The following SLC25A48 variants were observed in gnomAD, a reference collection of about 807,000 sequenced individuals.
The protein encoded by SLC25A48 is solute carrier family 25 member 48, also known as CTC-321K16.1.
SLC25A48 carries 29 observed loss-of-function variants against 32.2 expected under a neutral mutation model. The ratio of observed to expected loss-of-function variants is 0.90; its 90% CI spans 0.67 to 1.23. SLC25A48 has a LOEUF of 1.23. Among genes scored for constraint, SLC25A48 ranks in the 50% most tolerant of loss-of-function variants. SLC25A48 has a pLI of 0.00. For missense variants in SLC25A48, 399 were observed against 422.7 expected (o/e 0.94, Z 0.49); for synonymous variants, 164 against 172.3 (o/e 0.95, Z 0.38).
intron 3 of SLC25A48, among the ~76,000 whole-genome samples, chr5:135,750,467 C>G (rs1431640371): frequency 6.6e-6 from 1 of 152,144 alleles, no homozygotes; most frequent in South Asian, 2.1e-4. Flanking sequence ...GCCTGAGTAC[C>G]TTTAAATGGC....
intron 3 of SLC25A48, chr5:135,653,694 G>T (rs1753171751): frequency 2.4e-6 from 1 of 413,492 alleles, no homozygotes; most frequent in Non-Finnish European, 4.9e-6. Flanking sequence ...TTTCCCATAA[G>T]ACAGACCAAT....
intron 1 of SLC25A48, among the ~76,000 whole-genome samples, chr5:135,590,436 G>A (rs1751493949): frequency 6.6e-6 from 1 of 152,246 alleles, no homozygotes; most frequent in African/African-American, 2.4e-5. Context: ...TGGTCCCTGA[G>A]TGCCTTTGCT....
At chr5:135,758,037 T>G (rs965305317) in intron 3 of SLC25A48, among the ~76,000 whole-genome samples, 1 of 150,652 alleles carries the variant, frequency 6.6e-6, no homozygotes, top group Non-Finnish European at 1.5e-5. Flanking sequence ...ATGATATTTA[T>G]AGAATATCAT....
intron 3 of SLC25A48, among the ~76,000 whole-genome samples, chr5:135,785,648 T>C (rs895620006): frequency 6.9e-6 from 1 of 144,908 alleles, no homozygotes; most frequent in East Asian, 2.2e-4. Flanking sequence ...GAGAGGGTGA[T>C]AATGCTCCCC....
chr5:135,838,910 G>T (rs2126691694), intron 1 of SLC25A48, among the ~76,000 whole-genome samples: 2 of 152,326 alleles, frequency 1.3e-5, no homozygotes, highest in South Asian at 4.1e-4. Flanking sequence ...TGTAGGGTGG[G>T]AGTCCCACAC....
intron 3 of SLC25A48, among the ~76,000 whole-genome samples, chr5:135,789,983 A>G (rs1364232907): frequency 6.6e-6 from 1 of 152,010 alleles, no homozygotes; most frequent in African/African-American, 2.4e-5. Context: ...GTATAATACT[A>G]TGAACAATAC....
intron 3 of SLC25A48, among the ~76,000 whole-genome samples, chr5:135,730,425 G>A (rs574104090): frequency 1.3e-5 from 2 of 152,300 alleles, no homozygotes; most frequent in East Asian, 3.9e-4. Flanking sequence ...ACCCACTTAG[G>A]ATGTGACTTG....
At chr5:135,636,235 C>T (rs1055540807) in intron 3 of SLC25A48, among the ~76,000 whole-genome samples, 3 of 152,060 alleles carry the variant, frequency 2.0e-5, no homozygotes, top group Admixed American at 6.6e-5. Flanking sequence ...TTGTGCAGGC[C>T]GTGTGCTGGA....
chr5:135,639,295 C>G (rs1254708149), intron 3 of SLC25A48, among the ~76,000 whole-genome samples: 9 of 152,198 alleles, frequency 5.9e-5, no homozygotes, highest in Admixed American at 5.9e-4. Context: ...ACAATGAAAA[C>G]TTTCAGTCTC....
intron 3 of SLC25A48, among the ~76,000 whole-genome samples, chr5:135,754,152 T>A (rs1438511268): frequency 6.6e-6 from 1 of 151,876 alleles, no homozygotes; most frequent in Non-Finnish European, 1.5e-5. Context: ...GGGTGTACCC[T>A]TACTGTGACA....
At chr5:135,669,872 G>T (rs1753614486) in intron 3 of SLC25A48, among the ~76,000 whole-genome samples, 1 of 152,218 alleles carries the variant, frequency 6.6e-6, no homozygotes, top group South Asian at 2.1e-4. Flanking sequence ...ATGCTGAGGA[G>T]GCAGCATGCT....
At chr5:135,844,672 C>G (rs2126712103) in intron 2 of SLC25A48, among the ~76,000 whole-genome samples, 1 of 152,354 alleles carries the variant, frequency 6.6e-6, no homozygotes, top group East Asian at 1.9e-4. Flanking sequence ...TTTTTATCAA[C>G]ATCATTCGAT....
At position 135,679,246 on chromosome 5, in the gene SLC25A48, G is replaced by A. The variant is rs1580778816; in HGVS notation, c.-521+44290G>A. ...GGTGCCTACTATGGTGGTAGTGGCA[G>A]ATTGGGTAGGCCTGACTGCAGGCCC... On this transcript the variant is annotated intron_variant, in intron 3 of 10. Transcript: ENST00000646290. 2.0e-5 allele frequency among the ~76,000 whole-genome samples: 3 copies of A among 152,302 alleles called. No homozygotes were observed. In the East Asian group the frequency reaches 5.8e-4, roughly 29 times the overall value.
intron 4 of SLC25A48, among the ~76,000 whole-genome samples, chr5:135,867,741 G>A (rs570941214): frequency 1.4e-4 from 21 of 152,262 alleles, no homozygotes; most frequent in African/African-American, 4.8e-4. Context: ...CAATGGTGGT[G>A]GTGTGGTGCA....
chr5:135,719,107 G>A (rs567240254), intron 3 of SLC25A48, among the ~76,000 whole-genome samples: 2 of 152,256 alleles, frequency 1.3e-5, no homozygotes, highest in South Asian at 4.1e-4. Flanking sequence ...ATTTCTCTGT[G>A]TTATTCCTTA....
chr5:135,873,970 C>A, intron 5 of SLC25A48, 51 bp from the exon 6 acceptor site: 1 of 1,494,262 alleles, frequency 6.7e-7, no homozygotes, highest in South Asian at 1.3e-5. Context: ...AACCAGGCCC[C>A]TCCAGATCCT....
At chr5:135,591,314 G>T (rs1751521767) in intron 1 of SLC25A48, among the ~76,000 whole-genome samples, 1 of 152,372 alleles carries the variant, frequency 6.6e-6, no homozygotes, top group South Asian at 2.1e-4. Flanking sequence ...GGGCACAGAA[G>T]TGTGGCGCAT....
chr5:135,793,418 GTT>G, intron 3 of SLC25A48, among the ~76,000 whole-genome samples: 1 of 151,656 alleles, frequency 6.6e-6, no homozygotes, highest in Non-Finnish European at 1.5e-5. Flanking sequence ...TAATGTTACA[GTT>G]TGTTTACACC....
At chr5:135,762,826 ATGTG>A (rs980443286) in intron 3 of SLC25A48, among the ~76,000 whole-genome samples, 1 of 135,568 alleles carries the variant, frequency 7.4e-6, no homozygotes, top group Non-Finnish European at 1.6e-5. Context: ...GTGAGTGTGG[ATGTG>A]TGAGTTTGTA....
Sources: allele counts gnomAD v4.1 joint callset (sites outside exome capture counted in the v4.1 genomes callset), GRCh38; gene constraint gnomAD v4.1.1; transcripts MANE v1.5; gene names NCBI Gene and HGNC (gene_info 2026-07-23, HGNC 2026-07-21).